Variants in GPR55 observed in about 807,000 individuals in gnomAD.
The protein encoded by GPR55 is G-protein coupled receptor 55.
Under a neutral mutation model 7.9 loss-of-function variants are expected in GPR55, and 6 were observed. That is an observed-to-expected ratio of 0.76 (90% CI 0.41 to 1.49). The LOEUF (loss-of-function observed/expected upper bound fraction) is 1.49, where lower values mean the gene tolerates loss of function less well. Among genes scored for constraint, GPR55 ranks in the 40% most tolerant of loss-of-function variants. GPR55 has a pLI of 0.01. For missense variants in GPR55, 376 were observed against 406.0 expected (o/e 0.93, Z 0.63); for synonymous variants, 183 against 166.8 (o/e 1.10, Z -0.75).
chr2:230,920,612 T>C (rs1473825226), intron 1 of GPR55, among the ~76,000 whole-genome samples: 1 of 152,108 alleles, frequency 6.6e-6, no homozygotes, highest in Non-Finnish European at 1.5e-5. Flanking sequence ...AGCTTCATAG[T>C]GAAGAGTAGG....
At chr2:230,911,378 C>T (rs1690588224) in intron 1 of GPR55, among the ~76,000 whole-genome samples, 1 of 152,206 alleles carries the variant, frequency 6.6e-6, no homozygotes, top group Admixed American at 6.5e-5. Flanking sequence ...GGGCTGACTT[C>T]AGGAGCAGCT....
intron 1 of GPR55, among the ~76,000 whole-genome samples, chr2:230,922,109 G>T (rs1414582416): frequency 5.3e-5 from 8 of 152,170 alleles, no homozygotes; most frequent in African/African-American, 1.7e-4. Flanking sequence ...GCTGTAGAGG[G>T]AATTCATGCA....
intron 1 of GPR55, among the ~76,000 whole-genome samples, chr2:230,955,242 T>C (rs1691463016): frequency 6.6e-6 from 1 of 152,242 alleles, no homozygotes; most frequent in African/African-American, 2.4e-5. Flanking sequence ...TGTTGTTAGC[T>C]GTCTAATTAT....
chr2:230,952,762 C>T (rs1691423988), intron 1 of GPR55, among the ~76,000 whole-genome samples: 1 of 152,132 alleles, frequency 6.6e-6, no homozygotes, highest in South Asian at 2.1e-4. Context: ...TCAGGCCGGC[C>T]CCCACAGGAG....
chr2:230,927,166 C>A (rs1481537915), upstream of GPR55, among the ~76,000 whole-genome samples: 2 of 152,164 alleles, frequency 1.3e-5, no homozygotes, highest in Non-Finnish European at 2.9e-5. Context: ...CCCAGGGCAC[C>A]ACTGTTAAGT....
At chr2:230,916,957 G>A (rs1047420369) in intron 1 of GPR55, among the ~76,000 whole-genome samples, 2 of 152,126 alleles carry the variant, frequency 1.3e-5, no homozygotes, top group African/African-American at 4.8e-5. Context: ...CTCTTATGAA[G>A]GGTGCACTTA....
At chr2:230,940,034 G>T (rs1285482637) in intron 1 of GPR55, among the ~76,000 whole-genome samples, 1 of 152,114 alleles carries the variant, frequency 6.6e-6, no homozygotes, top group African/African-American at 2.4e-5. Flanking sequence ...CCAGGCACCA[G>T]AAAGAGCCAG....
chr2:230,953,988 C>G (rs138364004), intron 1 of GPR55, among the ~76,000 whole-genome samples: 148 of 152,372 alleles, frequency 9.7e-4, no homozygotes, highest in African/African-American at 3.3e-3. Flanking sequence ...GTCTGATGAG[C>G]AGGCCTGTGG....
rs575283998 is a variant in GPR55 at position 230,958,430 on chromosome 2, A to G, written c.-135+2345T>C. Among the ~76,000 whole-genome samples, 21 of 152,240 alleles carry G rather than the reference A, an allele frequency of 1.4e-4. No individual in the cohort carries two copies. In the East Asian group the frequency reaches 3.1e-3, roughly 22 times the overall value. On this transcript the variant is annotated intron_variant, in intron 1 of 1. Transcript: ENST00000392039. ...CTCTTTTAGTTATTGTTAAATGTTC[A>G]TTTCAGTTATTATTGACTATAGTCA...
intron 1 of GPR55, among the ~76,000 whole-genome samples, chr2:230,945,204 C>T (rs1691291574): frequency 6.6e-6 from 1 of 152,054 alleles, no homozygotes. Context: ...AAGGCAATTC[C>T]CAGAATGAAG....
chr2:230,936,783 G>T (rs1317903658), intron 1 of GPR55, among the ~76,000 whole-genome samples: 1 of 152,036 alleles, frequency 6.6e-6, no homozygotes, highest in Non-Finnish European at 1.5e-5. Flanking sequence ...GATGACAGTT[G>T]TCTTAACACA....
chr2:230,936,034 T>G (rs1484935895), intron 1 of GPR55, among the ~76,000 whole-genome samples: 1 of 151,858 alleles, frequency 6.6e-6, no homozygotes, highest in Non-Finnish European at 1.5e-5. Context: ...TGTGAGAAAA[T>G]AAAGAGTGAA....
intron 1 of GPR55, among the ~76,000 whole-genome samples, chr2:230,954,325 G>A (rs1260122723): frequency 6.6e-6 from 1 of 152,226 alleles, no homozygotes; most frequent in Non-Finnish European, 1.5e-5. Context: ...CCCTGCTCTG[G>A]GCTGGCTATC....
At chr2:230,960,294 G>T (rs114181787) in intron 1 of GPR55, among the ~76,000 whole-genome samples, 2 of 152,098 alleles carry the variant, frequency 1.3e-5, no homozygotes. Flanking sequence ...GATAAGAAAT[G>T]TGCAGTACCA....
intron 1 of GPR55, among the ~76,000 whole-genome samples, chr2:230,950,315 G>A (rs940960158): frequency 6.6e-6 from 1 of 152,182 alleles, no homozygotes; most frequent in Non-Finnish European, 1.5e-5. Context: ...TCAGCCCATC[G>A]CCTACCTGCC....
intron 1 of GPR55, among the ~76,000 whole-genome samples, chr2:230,954,465 TA>T (rs1444294055): frequency 1.3e-5 from 2 of 152,204 alleles, no homozygotes; most frequent in Non-Finnish European, 2.9e-5. Flanking sequence ...CTCCCGGCCT[TA>T]AACTTTTTAT....
chr2:230,953,032 T>C (rs751850193), intron 1 of GPR55, among the ~76,000 whole-genome samples: 76 of 152,166 alleles, frequency 5.0e-4, no homozygotes, highest in Non-Finnish European at 5.4e-4. Context: ...GATACTTGGG[T>C]CCATCCTTGG....
chr2:230,913,288 C>G (rs528763493), intron 1 of GPR55, among the ~76,000 whole-genome samples: 12 of 152,146 alleles, frequency 7.9e-5, no homozygotes, highest in African/African-American at 2.9e-4. Flanking sequence ...TTTCTCATCA[C>G]TATTGGGCGC....
At chr2:230,920,417 G>C (rs1397915447) in intron 1 of GPR55, among the ~76,000 whole-genome samples, 2 of 152,074 alleles carry the variant, frequency 1.3e-5, no homozygotes, top group Non-Finnish European at 2.9e-5. Flanking sequence ...AGAGATGTGG[G>C]AGTGTCAAGT....
Sources: allele counts gnomAD v4.1 joint callset (sites outside exome capture counted in the v4.1 genomes callset), GRCh38; gene constraint gnomAD v4.1.1; transcripts MANE v1.5; gene names NCBI Gene and HGNC (gene_info 2026-07-23, HGNC 2026-07-21).